IFIH1: variants seen among roughly 807,000 people sequenced by gnomAD.
IFIH1 encodes the protein interferon induced with helicase C domain 1, also known as interferon-induced helicase C domain-containing protein 1.
A neutral mutation model predicts 107.4 loss-of-function variants in IFIH1; 125 were observed. The ratio of observed to expected loss-of-function variants is 1.16; its 90% CI spans 1.01 to 1.35. The LOEUF is 1.35. IFIH1 is among the 40% of genes most tolerant of loss of function. IFIH1 has a pLI of 0.00. For synonymous variants in IFIH1, 458 were observed against 413.2 expected (o/e 1.11, Z -1.31); for missense variants, 1,333 against 1,213.7 (o/e 1.10, Z -1.46).
At position 162,278,275 on chromosome 2, in the gene IFIH1, A is replaced by G. The variant is rs750348502; in HGVS notation, c.1695T>C (p.Cys565=). The G allele has an allele frequency of 1.9e-6, 3 of 1,549,704 alleles. No individual in the cohort carries two copies. The highest frequency in any genetic ancestry group is 2.7e-6 in the Non-Finnish European group (3 of 1,126,974). Residue 565 remains cysteine, a synonymous_variant, in exon 9 of 16, where the codon TGT becomes TGC. Coordinates refer to ENST00000649979, the MANE Select transcript of IFIH1 (RefSeq NM_022168.4). ...LEIMTRIQTY[C]QMSPMSDFGT... ...CAAAATCTGACATTGGACTCATTTG[A>G]CAATAAGTTTGAATCCTTGTCATTA...
Position 162,288,339 on chromosome 2 carries a change from T to G in IFIH1, c.891A>C (p.Ala297=), listed in dbSNP as rs373450188. Reference sequence around the variant, plus strand: ...GTTCTGGCTCCGGGGATGCTCTTGCTGCCACATTCTCTTCATCTGAAGAAG... The same window carrying G: ...GTTCTGGCTCCGGGGATGCTCTTGCGGCCACATTCTCTTCATCTGAAGAAG... ...MGSDSDEENV[A]ARASPEPELQ... is the part of the protein sequence containing the mutation. The change falls in exon 5 of 16, where the codon GCA becomes GCC. Residue 297 remains alanine, a synonymous_variant. Transcript: ENST00000649979. 4 of 1,612,196 alleles carry G rather than the reference T, an allele frequency of 2.5e-6. No individual in the cohort carries two copies. The African/African-American group carries it at 5.3e-5, about 22-fold the overall frequency.
chr2:162,304,002 C>A (rs1252135167), intron 3 of IFIH1, among the ~76,000 whole-genome samples: 1 of 152,068 alleles, frequency 6.6e-6, no homozygotes, highest in African/African-American at 2.4e-5. Context: ...CATGAAAACT[C>A]CACACTCAGA....
chr2:162,315,649 T>A (rs1178960456), intron 1 of IFIH1, among the ~76,000 whole-genome samples: 2 of 152,206 alleles, frequency 1.3e-5, no homozygotes, highest in Non-Finnish European at 2.9e-5. Context: ...ACTTCAGTAA[T>A]TTGGCCCAAA....
intron 1 of IFIH1, 109 bp downstream of exon 1, chr2:162,317,746 C>G (rs1278214358): frequency 2.4e-6 from 2 of 838,352 alleles, no homozygotes; most frequent in East Asian, 4.9e-5. Flanking sequence ...AAGGAAGAAA[C>G]TAGATTTGCC....
intron 1 of IFIH1, among the ~76,000 whole-genome samples, chr2:162,312,383 A>G (rs1044394624): frequency 1.3e-5 from 2 of 152,124 alleles, no homozygotes; most frequent in Non-Finnish European, 2.9e-5. Context: ...AATAGGTACC[A>G]ATATTAACTC....
intron 2 of IFIH1, 68 bp downstream of exon 2, chr2:162,310,697 T>C: frequency 7.4e-7 from 1 of 1,344,566 alleles, no homozygotes; most frequent in Non-Finnish European, 1.1e-6. Flanking sequence ...ATTGTGTCTT[T>C]CTGCTTTATT....
chr2:162,318,049 C>T lies in IFIH1; in HGVS notation c.259G>A (p.Gly87Ser). ...ATGTAGCGGGCGGCCAGAGGGCTGCCGGTTCTCCGGAGGGCCTCCACGAAT... is the reference window on the plus strand; with the variant it reads ...ATGTAGCGGGCGGCCAGAGGGCTGCTGGTTCTCCGGAGGGCCTCCACGAAT... ...REFVEALRRT[G>S]SPLAARYMNP... Residue 87 changes from glycine to serine, a missense_variant, in exon 1 of 16, where the codon GGC becomes AGC. Gly to Ser is a moderately conservative substitution (Grantham distance 56). Coordinates refer to ENST00000649979, the MANE Select transcript of IFIH1 (RefSeq NM_022168.4). 1.9e-6 allele frequency: 3 copies of T among 1,614,146 alleles called. No homozygotes were observed. The highest frequency in any genetic ancestry group is 2.5e-6 in the Non-Finnish European group (3 of 1,180,028).
At chr2:162,306,350 A>T (rs1479503950) in intron 3 of IFIH1, among the ~76,000 whole-genome samples, 1 of 152,188 alleles carries the variant, frequency 6.6e-6, no homozygotes, top group Non-Finnish European at 1.5e-5. Context: ...AAAAGCAATG[A>T]ATCTATTTTA....
At chr2:162,277,267 T>A (rs1456958626) in intron 10 of IFIH1, 148 bp downstream of exon 10, 2 of 623,344 alleles carry the variant, frequency 3.2e-6, no homozygotes, top group Non-Finnish European at 5.5e-6. Flanking sequence ...TGGTAGCTAA[T>A]CTGGTCATAT....
intron 5 of IFIH1, among the ~76,000 whole-genome samples, chr2:162,284,330 A>G (rs1397948937): frequency 6.6e-6 from 1 of 151,968 alleles, no homozygotes; most frequent in South Asian, 2.1e-4. Flanking sequence ...CCCTGAAAAC[A>G]GCTACTCCAG....
intron 4 of IFIH1, among the ~76,000 whole-genome samples, chr2:162,291,488 T>C (rs1682996425): frequency 6.9e-6 from 1 of 144,940 alleles, no homozygotes; most frequent in African/African-American, 2.7e-5. Flanking sequence ...TTTCTGAAAA[T>C]GGGAAACAGA....
At chr2:162,281,655 A>G (rs1265967876) in intron 6 of IFIH1, 110 bp from the exon 7 acceptor site, 2 of 692,882 alleles carry the variant, frequency 2.9e-6, no homozygotes, top group South Asian at 1.9e-5. Context: ...CTTGGGCACG[A>G]CACAAGAGCA....
intron 3 of IFIH1, among the ~76,000 whole-genome samples, chr2:162,305,906 T>G (rs1683272457): frequency 6.6e-6 from 1 of 152,220 alleles, no homozygotes; most frequent in Non-Finnish European, 1.5e-5. Context: ...CAGCTTTGTG[T>G]TCAGTGATCT....
At chr2:162,299,954 C>T (rs757177298) in intron 3 of IFIH1, among the ~76,000 whole-genome samples, 5 of 152,170 alleles carry the variant, frequency 3.3e-5, no homozygotes, top group Admixed American at 2.6e-4. Context: ...ATTTACAAAT[C>T]CAGCATAGTG....
At chr2:162,308,524 G>A (rs145351892) in intron 2 of IFIH1, among the ~76,000 whole-genome samples, 2 of 151,960 alleles carry the variant, frequency 1.3e-5, no homozygotes, top group African/African-American at 4.8e-5. Context: ...GATTATAGCT[G>A]CATGCCACCA....
At chr2:162,289,817 A>G (rs775799608) in intron 4 of IFIH1, among the ~76,000 whole-genome samples, 1 of 151,974 alleles carries the variant, frequency 6.6e-6, no homozygotes, top group Non-Finnish European at 1.5e-5. Flanking sequence ...TATGATTTTT[A>G]TGAAAAACTC....
At chr2:162,284,210 T>C (rs1237494345) in intron 5 of IFIH1, among the ~76,000 whole-genome samples, 1 of 151,914 alleles carries the variant, frequency 6.6e-6, no homozygotes, top group Non-Finnish European at 1.5e-5. Context: ...CTTGAATCAT[T>C]TTCTAGAAGT....
At chr2:162,317,305 C>G (rs1416791128) in intron 1 of IFIH1, among the ~76,000 whole-genome samples, 1 of 152,094 alleles carries the variant, frequency 6.6e-6, no homozygotes, top group Non-Finnish European at 1.5e-5. Flanking sequence ...CCATTCTTAG[C>G]CTGTGGGCCT....
intron 3 of IFIH1, among the ~76,000 whole-genome samples, chr2:162,299,784 C>T (rs948006568): frequency 1.3e-5 from 2 of 152,116 alleles, no homozygotes; most frequent in African/African-American, 2.4e-5. Flanking sequence ...TAGAGAAACT[C>T]GTTAACTTTC....
Sources: gnomAD v4.1 joint callset for allele counts (sites outside exome capture counted in the v4.1 genomes callset) on GRCh38, gnomAD v4.1.1 for gene constraint, MANE v1.5 for transcripts, NCBI Gene and HGNC (gene_info 2026-07-23, HGNC 2026-07-21) for gene names.